KCNQ5: variants seen among roughly 807,000 people sequenced by gnomAD.
The protein encoded by KCNQ5 is potassium voltage-gated channel subfamily Q member 5.
A neutral mutation model predicts 98.2 loss-of-function variants in KCNQ5; 30 were observed. The observed-to-expected ratio is 0.31, with a 90% CI of 0.23 to 0.41. The LOEUF (loss-of-function observed/expected upper bound fraction) is 0.41. Among genes scored for constraint, KCNQ5 ranks in the 10% least tolerant of loss-of-function variants. The pLI, the probability that KCNQ5 is intolerant of heterozygous loss-of-function variation, is 1.00. For synonymous variants in KCNQ5, 458 were observed against 449.4 expected, an observed-to-expected ratio of 1.02 and a Z score of -0.24; for missense variants, 835 against 1,182.5, an observed-to-expected ratio of 0.71 and a Z score of 4.31.
intron 1 of KCNQ5, among the ~76,000 whole-genome samples, chr6:72,931,694 TAAAA>T (rs1290580612): frequency 3.9e-5 from 6 of 152,134 alleles, no homozygotes; most frequent in Non-Finnish European, 8.8e-5. Context: ...GAAGTGAGGC[TAAAA>T]CAAAAGCCTT....
At chr6:73,145,083 G>C (rs556212183) in intron 10 of KCNQ5, among the ~76,000 whole-genome samples, 7 of 152,156 alleles carry the variant, frequency 4.6e-5, no homozygotes, top group Non-Finnish European at 1.0e-4. Flanking sequence ...CATCCTGTTG[G>C]TTCTATGAAG....
chr6:72,672,192 T>G lies in KCNQ5; in HGVS notation c.398+49605T>G, dbSNP rs1767155336. On this transcript the variant is annotated intron_variant, in intron 1 of 13. Coordinates refer to ENST00000370398, the MANE Select transcript of KCNQ5 (RefSeq NM_019842.4). Reference sequence around the variant, plus strand: ...GTGCAGTGACATGATCTCAGCTCATTGCAACCTCTGCCTCCCAAGTTCAAG... The same window carrying G: ...GTGCAGTGACATGATCTCAGCTCATGGCAACCTCTGCCTCCCAAGTTCAAG... Among the ~76,000 whole-genome samples, 3 of 151,710 alleles carry G rather than the reference T, an allele frequency of 2.0e-5. No individual in the cohort carries two copies. In the South Asian group the frequency reaches 6.3e-4, roughly 32 times the overall value.
chr6:72,624,020 A>T (rs1012819630), intron 1 of KCNQ5, among the ~76,000 whole-genome samples: 2 of 152,244 alleles, frequency 1.3e-5, no homozygotes, highest in Non-Finnish European at 2.9e-5. Context: ...AAAATTTTAC[A>T]GTCCCAGATT....
chr6:72,668,324 C>T (rs1186824200), intron 1 of KCNQ5, among the ~76,000 whole-genome samples: 1 of 152,172 alleles, frequency 6.6e-6, no homozygotes, highest in Non-Finnish European at 1.5e-5. Flanking sequence ...CTGTGTTAAG[C>T]ATTGCAGAGG....
rs758101147 is a variant in KCNQ5 at position 72,624,842 on chromosome 6, A to G, written c.398+2255A>G. ...GTGCACAACTAAGCAGACCCTGAGG[A>G]AAGAGGCCATCTTTGGCAGTTGCTG... On this transcript the variant is annotated intron_variant, in intron 1 of 13. Transcript: ENST00000370398. Among the ~76,000 whole-genome samples, 6 of 152,348 alleles carry G rather than the reference A, an allele frequency of 3.9e-5. No homozygotes were observed. In the East Asian group the frequency reaches 9.6e-4, roughly 24 times the overall value.
chr6:72,971,503 C>T (rs1421334342), intron 1 of KCNQ5, among the ~76,000 whole-genome samples: 1 of 152,180 alleles, frequency 6.6e-6, no homozygotes, highest in Non-Finnish European at 1.5e-5. Flanking sequence ...TGGGTATATA[C>T]CCAAAGGATT....
intron 8 of KCNQ5, 143 bp from the exon 9 acceptor site, chr6:73,124,343 A>G (rs906491343): frequency 1.4e-6 from 1 of 726,618 alleles, no homozygotes; most frequent in Non-Finnish European, 2.4e-6. Flanking sequence ...ATTTATTATA[A>G]AGAACACTGC....
intron 1 of KCNQ5, among the ~76,000 whole-genome samples, chr6:72,946,867 C>G (rs752820627): frequency 2.0e-5 from 3 of 152,056 alleles, no homozygotes; most frequent in Non-Finnish European, 4.4e-5. Context: ...CTTTTTCCTC[C>G]TATGATAATA....
At chr6:73,021,115 C>T (rs1480854143) in intron 2 of KCNQ5, among the ~76,000 whole-genome samples, 1 of 152,096 alleles carries the variant, frequency 6.6e-6, no homozygotes, top group Non-Finnish European at 1.5e-5. Context: ...TGAAAGTTTA[C>T]CCTGACTCTC....
intron 1 of KCNQ5, among the ~76,000 whole-genome samples, chr6:72,867,961 C>T (rs536937092): frequency 1.3e-5 from 2 of 150,994 alleles, no homozygotes; most frequent in African/African-American, 2.5e-5. Flanking sequence ...ACTACTACTA[C>T]TACTACTACT....
intron 1 of KCNQ5, among the ~76,000 whole-genome samples, chr6:72,815,108 T>C (rs1160962566): frequency 6.6e-6 from 1 of 152,140 alleles, no homozygotes; most frequent in Non-Finnish European, 1.5e-5. Context: ...TATGGAGTTC[T>C]AGTGCTTGGG....
At chr6:72,691,050 G>T (rs1490986457) in intron 1 of KCNQ5, among the ~76,000 whole-genome samples, 1 of 152,066 alleles carries the variant, frequency 6.6e-6, no homozygotes, top group Non-Finnish European at 1.5e-5. Flanking sequence ...GAGCAAACTG[G>T]CTTTTCTTCT....
At chr6:73,022,045 A>C (rs1213092246) in intron 2 of KCNQ5, among the ~76,000 whole-genome samples, 1 of 152,190 alleles carries the variant, frequency 6.6e-6, no homozygotes, top group Non-Finnish European at 1.5e-5. Context: ...ATAGTATAAC[A>C]TGAGTCTGTA....
At chr6:73,187,012 A>G (rs1039555411) in intron 11 of KCNQ5, among the ~76,000 whole-genome samples, 6 of 151,330 alleles carry the variant, frequency 4.0e-5, no homozygotes, top group African/African-American at 1.2e-4. Flanking sequence ...TCATTGTTCA[A>G]TTCCCACCTA....
chr6:73,132,716 C>G (rs1242836089), intron 9 of KCNQ5, among the ~76,000 whole-genome samples: 1 of 152,200 alleles, frequency 6.6e-6, no homozygotes, highest in Non-Finnish European at 1.5e-5. Context: ...AAATCAATAA[C>G]CTGTTTACTA....
chr6:73,184,777 A>C lies in KCNQ5; in HGVS notation c.1578-5796A>C, dbSNP rs563358730. ...ATCTGGAACAATTAGCATTTTAGGT[A>C]GAGTGCAAAGAGACAGAATCCTGAT... On this transcript the variant is annotated intron_variant, in intron 11 of 13. Coordinates refer to ENST00000370398, the MANE Select transcript of KCNQ5 (RefSeq NM_019842.4). 1.9e-3 allele frequency among the ~76,000 whole-genome samples: 294 copies of C among 152,324 alleles called. 2 individuals are homozygous for C. The highest frequency in any genetic ancestry group is 2.1e-3 in the Non-Finnish European group (145 of 68,024).
intron 1 of KCNQ5, among the ~76,000 whole-genome samples, chr6:72,726,534 G>A (rs1291967042): frequency 6.6e-6 from 1 of 152,048 alleles, no homozygotes; most frequent in Non-Finnish European, 1.5e-5. Context: ...TTTTAATATT[G>A]CCATATTCTC....
intron 2 of KCNQ5, among the ~76,000 whole-genome samples, chr6:73,026,131 C>T (rs1018802744): frequency 9.2e-5 from 14 of 152,182 alleles, no homozygotes; most frequent in Non-Finnish European, 1.5e-5. Context: ...TCTTCTGTCT[C>T]TACCAAAACC....
chr6:72,874,633 C>G (rs1255917661), intron 1 of KCNQ5, among the ~76,000 whole-genome samples: 2 of 152,014 alleles, frequency 1.3e-5, no homozygotes, highest in Non-Finnish European at 2.9e-5. Context: ...ATAATAATAA[C>G]AGCTACATTT....
Sources: allele counts gnomAD v4.1 joint callset (sites outside exome capture counted in the v4.1 genomes callset), GRCh38; gene constraint gnomAD v4.1.1; transcripts MANE v1.5; gene names NCBI Gene and HGNC (gene_info 2026-07-23, HGNC 2026-07-21).